NRXN1: variants seen among roughly 807,000 people sequenced by gnomAD.
The protein encoded by NRXN1 is neurexin 1, also known as neurexin-1.
In NRXN1, 39 loss-of-function variants were observed where a neutral mutation model predicts 150.9. The observed-to-expected ratio is 0.26, with a 90% CI of 0.20 to 0.34. The LOEUF is 0.34. NRXN1 is among the 10% of genes least tolerant of loss of function. NRXN1 has a pLI of 1.00. For missense variants in NRXN1, 1,815 were observed against 1,949.9 expected (o/e 0.93, Z 1.30); for synonymous variants, 924 against 757.0 (o/e 1.22, Z -3.62).
intron 21 of NRXN1, among the ~76,000 whole-genome samples, chr2:49,946,746 AT>A (rs1432580110): frequency 1.3e-5 from 2 of 152,134 alleles, no homozygotes; most frequent in Non-Finnish European, 2.9e-5. Flanking sequence ...AAAAGAGCCC[AT>A]ATAGCCAAGC....
At chr2:50,001,327 C>A (rs570081920) in intron 21 of NRXN1, among the ~76,000 whole-genome samples, 2 of 152,202 alleles carry the variant, frequency 1.3e-5, no homozygotes, top group East Asian at 3.9e-4. Context: ...ACATTGAAGA[C>A]AATCATACTG....
intron 5 of NRXN1, among the ~76,000 whole-genome samples, chr2:50,726,500 T>C (rs1472148436): frequency 6.6e-6 from 1 of 152,206 alleles, no homozygotes; most frequent in Non-Finnish European, 1.5e-5. Flanking sequence ...TCTTGGTCAT[T>C]TGCTATGTGC....
intron 21 of NRXN1, among the ~76,000 whole-genome samples, chr2:50,046,735 C>T (rs1691861499): frequency 6.6e-6 from 1 of 152,036 alleles, no homozygotes; most frequent in African/African-American, 2.4e-5. Flanking sequence ...TATAGGTGGG[C>T]ATTTTGGCTT....
At chr2:50,450,726 C>T (rs1455993798) in intron 17 of NRXN1, among the ~76,000 whole-genome samples, 2 of 152,096 alleles carry the variant, frequency 1.3e-5, no homozygotes, top group Admixed American at 6.6e-5. Flanking sequence ...CCTCCAACTG[C>T]GTTTTAGGCC....
At chr2:50,359,892 C>CACTA (rs1301424541) in intron 17 of NRXN1, among the ~76,000 whole-genome samples, 19 of 152,174 alleles carry the variant, frequency 1.2e-4, no homozygotes, top group Non-Finnish European at 1.3e-4. Context: ...AAGCCCATCA[C>CACTA]ACTAACAGCA....
intron 15 of NRXN1, among the ~76,000 whole-genome samples, chr2:50,493,599 T>C (rs968903230): frequency 1.3e-5 from 2 of 152,200 alleles, no homozygotes; most frequent in Admixed American, 1.3e-4. Flanking sequence ...GTGGTGATGA[T>C]GGGAGACAAG....
intron 17 of NRXN1, among the ~76,000 whole-genome samples, chr2:50,429,804 C>T (rs1027523213): frequency 4.6e-5 from 7 of 152,130 alleles, no homozygotes; most frequent in Non-Finnish European, 8.8e-5. Flanking sequence ...AATAGAACTT[C>T]TATTGTGGGC....
chr2:50,783,031 G>A (rs929432590), intron 5 of NRXN1, among the ~76,000 whole-genome samples: 1 of 151,986 alleles, frequency 6.6e-6, no homozygotes, highest in Non-Finnish European at 1.5e-5. Flanking sequence ...TTTCACCACC[G>A]CCCCATTCTG....
At chr2:50,932,464 T>C (rs1475955374) in intron 2 of NRXN1, among the ~76,000 whole-genome samples, 1 of 152,104 alleles carries the variant, frequency 6.6e-6, no homozygotes, top group Non-Finnish European at 1.5e-5. Context: ...CTGTATCTTT[T>C]AAGTGGAGCA....
At chr2:50,791,504 C>A (rs1444443739) in intron 5 of NRXN1, among the ~76,000 whole-genome samples, 1 of 152,018 alleles carries the variant, frequency 6.6e-6, no homozygotes, top group East Asian at 1.9e-4. Context: ...ATCTTCTCGC[C>A]CAGAATCTCC....
chr2:50,683,816 AAAG>A (rs922289577), intron 5 of NRXN1, among the ~76,000 whole-genome samples: 68 of 150,494 alleles, frequency 4.5e-4, no homozygotes, highest in African/African-American at 1.2e-3. Flanking sequence ...GGGTTATCAA[AAAG>A]AAGTTAACTC....
chr2:50,107,539 A>ATATATATATATTTT lies in NRXN1; in HGVS notation c.3547-16046_3547-16045insAAAATATATATATA, dbSNP rs59921941. 6.5e-4 allele frequency among the ~76,000 whole-genome samples: 84 copies of ATATATATATATTTT among 129,870 alleles called. No homozygotes were observed. In the East Asian group the frequency reaches 7.8e-3, roughly 12 times the overall value. 85.2% of individuals were successfully genotyped at this position (129,870 alleles called of 152,430 possible). ...AGACTACATATATATATATATATAT[A>ATATATATATATTTT]TTTTTTTTTTTTACCCAAGTACTAC... On this transcript the variant is annotated intron_variant, in intron 18 of 22. Coordinates refer to ENST00000401669, the MANE Select transcript of NRXN1 (RefSeq NM_001330078.2).
At chr2:50,395,940 T>C (rs911968398) in intron 17 of NRXN1, among the ~76,000 whole-genome samples, 4 of 152,150 alleles carry the variant, frequency 2.6e-5, no homozygotes, top group Admixed American at 2.0e-4. Flanking sequence ...AATATGTAAA[T>C]CCTCTGCTCT....
chr2:50,551,847 C>G (rs1335117751), intron 9 of NRXN1, among the ~76,000 whole-genome samples: 1 of 152,012 alleles, frequency 6.6e-6, no homozygotes, highest in Non-Finnish European at 1.5e-5. Context: ...CAAATGTCAT[C>G]TCTGCTTCCT....
chr2:50,552,168 A>T (rs550389222), intron 9 of NRXN1, among the ~76,000 whole-genome samples: 37 of 152,310 alleles, frequency 2.4e-4, no homozygotes, highest in African/African-American at 8.4e-4. Context: ...GTGCCAAACT[A>T]AGGATTTTAT....
At chr2:50,240,118 A>C (rs1462446332) in intron 17 of NRXN1, among the ~76,000 whole-genome samples, 3 of 151,640 alleles carry the variant, frequency 2.0e-5, no homozygotes, top group Non-Finnish European at 4.4e-5. Context: ...TTTTTCAATG[A>C]ATCTAAAACT....
chr2:50,676,249 T>C (rs1289934866), intron 5 of NRXN1, among the ~76,000 whole-genome samples: 4 of 152,112 alleles, frequency 2.6e-5, no homozygotes, highest in Non-Finnish European at 4.4e-5. Context: ...GAGGCCTCAC[T>C]AGAAGCAGAT....
At chr2:50,893,040 C>T (rs1001292656) in intron 5 of NRXN1, among the ~76,000 whole-genome samples, 4 of 152,106 alleles carry the variant, frequency 2.6e-5, no homozygotes, top group Non-Finnish European at 5.9e-5. Context: ...GTCTTCACTC[C>T]AGAGCTTTCC....
intron 5 of NRXN1, among the ~76,000 whole-genome samples, chr2:50,870,468 G>A (rs187766534): frequency 6.6e-6 from 1 of 152,036 alleles, no homozygotes; most frequent in East Asian, 2.0e-4. Flanking sequence ...TGGCAGTCAG[G>A]TCTTATTTTG....
Sources: gnomAD v4.1 joint callset for allele counts (sites outside exome capture counted in the v4.1 genomes callset) on GRCh38, gnomAD v4.1.1 for gene constraint, MANE v1.5 for transcripts, NCBI Gene and HGNC (gene_info 2026-07-23, HGNC 2026-07-21) for gene names.